PTPN1: variants seen among roughly 807,000 people sequenced by gnomAD.
PTPN1 encodes the protein tyrosine-protein phosphatase non-receptor type 1.
In PTPN1, 12 loss-of-function variants were observed where a neutral mutation model predicts 59.9. The ratio of observed to expected loss-of-function variants is 0.20; its 90% confidence interval spans 0.13 to 0.32. The LOEUF (loss-of-function observed/expected upper bound fraction) is 0.32, where lower values mean the gene tolerates loss of function less well. Among genes scored for constraint, PTPN1 ranks in the 10% least tolerant of loss-of-function variants. The pLI is 1.00. For missense variants in PTPN1, 356 were observed against 549.2 expected, an observed-to-expected ratio of 0.65 and a Z score of 3.52; for synonymous variants, 178 against 203.6, an observed-to-expected ratio of 0.87 and a Z score of 1.07.
At chr20:50,528,538 A>G (rs970708347) in intron 1 of PTPN1, among the ~76,000 whole-genome samples, 2 of 151,942 alleles carry the variant, frequency 1.3e-5, no homozygotes, top group African/African-American at 4.8e-5. Context: ...ACATGGTGAA[A>G]CCCTGTCTCT....
At chr20:50,539,644 CTT>C (rs5841806) in intron 1 of PTPN1, among the ~76,000 whole-genome samples, 3,624 of 90,510 alleles carry the variant, frequency 0.04, 97 homozygotes, top group African/African-American at 0.098. Flanking sequence ...CTCTTTCTCT[CTT>C]TTTTTTTTTT....
intron 1 of PTPN1, among the ~76,000 whole-genome samples, chr20:50,540,470 A>G (rs1477525213): frequency 6.6e-6 from 1 of 152,116 alleles, no homozygotes; most frequent in East Asian, 1.9e-4. Context: ...TAGAGTGATA[A>G]CTCATTACCA....
chr20:50,531,773 C>A (rs759904908), intron 1 of PTPN1, among the ~76,000 whole-genome samples: 3 of 152,160 alleles, frequency 2.0e-5, no homozygotes, highest in Non-Finnish European at 2.9e-5. Flanking sequence ...GGCCCCCGGT[C>A]GCTCTCTGTG....
intron 1 of PTPN1, among the ~76,000 whole-genome samples, chr20:50,526,366 C>T (rs772470078): frequency 1.3e-5 from 2 of 152,070 alleles, no homozygotes; most frequent in South Asian, 4.1e-4. Context: ...CAGGTGTGAG[C>T]CACCATGCCC....
At chr20:50,581,500 G>T (rs750332498) in intron 9 of PTPN1, 40 bp downstream of exon 9, 5 of 1,568,324 alleles carry the variant, frequency 3.2e-6, no homozygotes, top group South Asian at 1.2e-5. Context: ...AGATGCTCGT[G>T]TGCAGAGAGC....
Position 50,579,894 on chromosome 20 carries a change from C to T in PTPN1, c.1056C>T (p.Ser352=), listed in dbSNP as rs2082857011. 2 of 1,613,992 alleles carry T rather than the reference C, an allele frequency of 1.2e-6. No homozygotes were observed. Among genetic ancestry groups the T allele is most frequent in the African/African-American group, 1.3e-5 (1 of 75,050 alleles). ...GCCCCATCAAGGAAGAAAAAGGAAG[C>T]CCCTTAAATGCCGCACCCTACGGCA... is the stretch of plus-strand genomic sequence containing the variant. The part of the protein sequence containing the change: ...KDCPIKEEKG[S]PLNAAPYGIE... The change falls in exon 8 of 10, where the codon AGC becomes AGT. Residue 352 remains serine (S), a synonymous_variant. Coordinates refer to ENST00000371621, the MANE Select transcript of PTPN1 (RefSeq NM_002827.4).
At chr20:50,527,417 C>T (rs2082581784) in intron 1 of PTPN1, among the ~76,000 whole-genome samples, 1 of 152,006 alleles carries the variant, frequency 6.6e-6, no homozygotes, top group Non-Finnish European at 1.5e-5. Context: ...AGTCTTGGCT[C>T]ACTGCAACCT....
chr20:50,530,835 A>T (rs1452201070), intron 1 of PTPN1, among the ~76,000 whole-genome samples: 1 of 152,102 alleles, frequency 6.6e-6, no homozygotes, highest in Non-Finnish European at 1.5e-5. Flanking sequence ...CTGAGACTAC[A>T]GGCATGTACC....
chr20:50,572,894 C>A (rs2082818177), intron 4 of PTPN1: 1 of 152,184 alleles, frequency 6.6e-6, no homozygotes, highest in Non-Finnish European at 1.5e-5. Context: ...ACAGATTGTC[C>A]CCATTCAAGA....
intron 5 of PTPN1, 73 bp downstream of exon 5, chr20:50,574,727 A>G: frequency 6.7e-7 from 1 of 1,500,214 alleles, no homozygotes; most frequent in Non-Finnish European, 9.0e-7. Flanking sequence ...CCCTTGGGTG[A>G]TATTACCTAA....
intron 1 of PTPN1, among the ~76,000 whole-genome samples, chr20:50,533,697 C>G (rs111649385): frequency 5.0e-4 from 76 of 152,182 alleles, no homozygotes; most frequent in Admixed American, 7.9e-4. Context: ...CTTGCCCCCC[C>G]CCAGAAAGGA....
chr20:50,570,708 A>C (rs2082803946), intron 4 of PTPN1, among the ~76,000 whole-genome samples: 1 of 152,202 alleles, frequency 6.6e-6, no homozygotes, highest in African/African-American at 2.4e-5. Flanking sequence ...CTTGGGCTGG[A>C]TCATTGTCTG....
intron 1 of PTPN1, among the ~76,000 whole-genome samples, chr20:50,522,968 G>T (rs2082557736): frequency 6.8e-6 from 1 of 146,782 alleles, no homozygotes; most frequent in Admixed American, 6.9e-5. Context: ...GTTTCATCAT[G>T]TTGGCCAGGC....
intron 1 of PTPN1, among the ~76,000 whole-genome samples, chr20:50,550,940 T>A (rs1206175583): frequency 6.6e-6 from 1 of 152,246 alleles, no homozygotes; most frequent in African/African-American, 2.4e-5. Flanking sequence ...GATGAAGTGC[T>A]TAATATAAAC....
chr20:50,575,138 A>G (rs2082829516), intron 5 of PTPN1: 1 of 155,132 alleles, frequency 6.4e-6, no homozygotes, highest in Admixed American at 6.5e-5. Flanking sequence ...CTTGCTTGGT[A>G]AAAGTTGGTC....
chr20:50,545,403 T>C (rs781318109), intron 1 of PTPN1, among the ~76,000 whole-genome samples: 6 of 152,230 alleles, frequency 3.9e-5, no homozygotes, highest in Non-Finnish European at 8.8e-5. Flanking sequence ...CATCTTGGCA[T>C]AGTAAATAGT....
chr20:50,563,624 G>T (rs779842096), intron 2 of PTPN1, among the ~76,000 whole-genome samples: 1 of 152,180 alleles, frequency 6.6e-6, no homozygotes, highest in Non-Finnish European at 1.5e-5. Flanking sequence ...CAGTGTTCCA[G>T]ATGGTGGCTA....
chr20:50,510,416 C>CT lies in PTPN1; in HGVS notation c.-111dup. Reference sequence around the variant, plus strand: ...GCAGCAGCGGCTAGGGCGGCGGTAGCTGCAGGGGTCGGGGATTGCAGCGGG... The same window carrying CT: ...GCAGCAGCGGCTAGGGCGGCGGTAGCTTGCAGGGGTCGGGGATTGCAGCGGG... On this transcript the variant is annotated 5_prime_UTR_variant, in exon 1 of 10. Coordinates refer to ENST00000371621, the MANE Select transcript of PTPN1 (RefSeq NM_002827.4). The CT allele has an allele frequency of 8.3e-7, 1 of 1,205,208 alleles. No homozygotes were observed. Among genetic ancestry groups the CT allele is most frequent in the African/African-American group, 1.6e-5 (1 of 63,324 alleles). The allele number at this position is 1,205,208 out of a possible 1,614,324, so 74.7% of individuals were successfully genotyped here. A position where few individuals can be genotyped will look rare whatever the true frequency, so the allele number is the denominator to read the frequency against.
chr20:50,528,612 G>A (rs2082587492), intron 1 of PTPN1, among the ~76,000 whole-genome samples: 1 of 151,794 alleles, frequency 6.6e-6, no homozygotes, highest in South Asian at 2.1e-4. Context: ...TACTTGGGAG[G>A]CTGAGGCAGG....
Sources: gnomAD v4.1 joint callset for allele counts (sites outside exome capture counted in the v4.1 genomes callset) on GRCh38, gnomAD v4.1.1 for gene constraint, MANE v1.5 for transcripts, NCBI Gene and HGNC (gene_info 2026-07-23, HGNC 2026-07-21) for gene names.